HTR4: variants seen among roughly 807,000 people sequenced by gnomAD.
HTR4 encodes the protein 5-hydroxytryptamine (serotonin) receptor 4, G protein-coupled.
HTR4 carries 16 observed loss-of-function variants against 36.8 expected under a neutral mutation model. The observed-to-expected ratio is 0.43, with a 90% confidence interval of 0.29 to 0.66. HTR4 has a LOEUF of 0.66. HTR4 is among the 30% of genes least tolerant of loss of function. The probability of loss-of-function intolerance (pLI) is 0.13; values close to 1 mark genes in which losing one functional copy is unlikely to be tolerated. For synonymous variants in HTR4, 189 were observed against 185.1 expected (o/e 1.02, Z -0.17); for missense variants, 438 against 490.9 (o/e 0.89, Z 1.02).
intron 5 of HTR4, among the ~76,000 whole-genome samples, chr5:148,522,198 A>T (rs1209986256): frequency 6.6e-6 from 1 of 152,132 alleles, no homozygotes; most frequent in African/African-American, 2.4e-5. Flanking sequence ...GGCATGTGGA[A>T]CTGTGAGTCC....
At chr5:148,489,828 C>T (rs942143288) in intron 6 of HTR4, among the ~76,000 whole-genome samples, 2 of 152,104 alleles carry the variant, frequency 1.3e-5, no homozygotes, top group Admixed American at 6.6e-5. Context: ...TCTCTGCCCA[C>T]TGCAAGTCCT....
intron 2 of HTR4, among the ~76,000 whole-genome samples, chr5:148,591,346 T>C (rs914333575): frequency 3.3e-5 from 5 of 152,136 alleles, no homozygotes; most frequent in African/African-American, 1.2e-4. Flanking sequence ...TTAAAATAGG[T>C]TTTTTTAATA....
intron 5 of HTR4, among the ~76,000 whole-genome samples, chr5:148,464,336 C>G (rs192709493): frequency 6.6e-6 from 1 of 152,210 alleles, no homozygotes; most frequent in African/African-American, 2.4e-5. Flanking sequence ...AAAAGACATA[C>G]CTGATACCAA....
chr5:148,494,317 G>T (rs541007459), intron 6 of HTR4, among the ~76,000 whole-genome samples: 7 of 152,252 alleles, frequency 4.6e-5, no homozygotes, highest in African/African-American at 1.7e-4. Context: ...TCATAGACTG[G>T]CAGTCTGGCT....
At chr5:148,456,390 C>G (rs1755101878) in intron 5 of HTR4, among the ~76,000 whole-genome samples, 1 of 152,176 alleles carries the variant, frequency 6.6e-6, no homozygotes. Context: ...CTGTCTCTAA[C>G]TGGAGGGTGC....
At chr5:148,603,060 GA>G (rs1461933106) in intron 2 of HTR4, among the ~76,000 whole-genome samples, 6 of 151,778 alleles carry the variant, frequency 4.0e-5, no homozygotes, top group African/African-American at 1.5e-4. Context: ...AACTTTTAAA[GA>G]AAAAAGGGCA....
chr5:148,631,688 T>C (rs1010227070), intron 2 of HTR4, among the ~76,000 whole-genome samples: 33 of 152,140 alleles, frequency 2.2e-4, no homozygotes, highest in African/African-American at 7.2e-4. Flanking sequence ...TTTGCTAAGA[T>C]TGGAAAATTT....
chr5:148,513,907 C>T (rs991520382), intron 5 of HTR4, among the ~76,000 whole-genome samples: 1 of 151,994 alleles, frequency 6.6e-6, no homozygotes, highest in Non-Finnish European at 1.5e-5. Context: ...ATCCTGATTC[C>T]TAATTGTTGC....
chr5:148,537,618 C>T (rs574842702), intron 4 of HTR4, among the ~76,000 whole-genome samples: 1 of 152,024 alleles, frequency 6.6e-6, no homozygotes, highest in Non-Finnish European at 1.5e-5. Context: ...TCTATGCACA[C>T]TAACTAGAAA....
chr5:148,554,919 T>C (rs1343053568), intron 2 of HTR4, among the ~76,000 whole-genome samples: 1 of 152,174 alleles, frequency 6.6e-6, no homozygotes, highest in East Asian at 1.9e-4. Context: ...TCTGTTCCTC[T>C]GTTAGTTTTC....
chr5:148,529,650 G>C (rs1396089727), intron 4 of HTR4, among the ~76,000 whole-genome samples: 1 of 152,228 alleles, frequency 6.6e-6, no homozygotes, highest in Non-Finnish European at 1.5e-5. Context: ...GGTACCAGGA[G>C]TGGGGTGCTG....
rs183375655 is a variant in HTR4 at position 148,593,837 on chromosome 5, T to A, written c.26+43152A>T. ...TTATCTCTTGCAAATTTCTCTTGAATGCCTTTATACAAATGACCAATGCTT... is the reference window on the plus strand; with the variant it reads ...TTATCTCTTGCAAATTTCTCTTGAAAGCCTTTATACAAATGACCAATGCTT... On this transcript the variant is annotated intron_variant, in intron 2 of 6. Coordinates refer to ENST00000377888, the MANE Select transcript of HTR4 (RefSeq NM_000870.7). Among the ~76,000 whole-genome samples, 494 of 152,326 alleles carry A rather than the reference T, an allele frequency of 3.2e-3. 1 individual carries two copies. The highest frequency in any genetic ancestry group is 0.011 in the African/African-American group (464 of 41,574).
chr5:148,590,400 G>GT (rs150006977), intron 2 of HTR4, among the ~76,000 whole-genome samples: 26,438 of 147,256 alleles, frequency 0.18, 2,700 homozygotes, highest in African/African-American at 0.25. Context: ...CCGGTTTCAA[G>GT]GATTCCCTGC....
intron 5 of HTR4, among the ~76,000 whole-genome samples, chr5:148,511,938 G>A (rs1212382647): frequency 1.3e-5 from 2 of 152,038 alleles, no homozygotes; most frequent in East Asian, 3.8e-4. Context: ...GTTTAGATTA[G>A]GATTTGTCTT....
chr5:148,650,003 G>C (rs757110587), intron 1 of HTR4, among the ~76,000 whole-genome samples: 2 of 150,962 alleles, frequency 1.3e-5, no homozygotes, highest in Non-Finnish European at 2.9e-5. Context: ...CAGAAACTTT[G>C]GGAGTGAGGA....
chr5:148,635,344 T>C (rs13358238), intron 2 of HTR4, among the ~76,000 whole-genome samples: 1,732 of 152,226 alleles, frequency 0.011, 38 homozygotes, highest in African/African-American at 0.04. Flanking sequence ...GGCATTTGCC[T>C]GTTATTAATA....
intron 2 of HTR4, among the ~76,000 whole-genome samples, chr5:148,552,558 A>G (rs1759749707): frequency 6.6e-6 from 1 of 152,160 alleles, no homozygotes. Context: ...TCTGTATTTG[A>G]GGTGCCTTCT....
At chr5:148,606,118 T>C (rs1024093711) in intron 2 of HTR4, among the ~76,000 whole-genome samples, 3 of 152,200 alleles carry the variant, frequency 2.0e-5, no homozygotes, top group African/African-American at 4.8e-5. Context: ...TAATTTGGAA[T>C]TGCAGAGACT....
rs1021260503 is a variant in HTR4, at chr5:148,601,432, G to C, written c.26+35557C>G. Among the ~76,000 whole-genome samples, 3 of 152,176 alleles carry C rather than the reference G, an allele frequency of 2.0e-5. No individual in the cohort carries two copies. In the East Asian group the frequency reaches 5.8e-4, roughly 29 times the overall value. On this transcript the variant is annotated intron_variant, in intron 2 of 6. Coordinates refer to ENST00000377888, the MANE Select transcript of HTR4 (RefSeq NM_000870.7). ...TTTCATAATAGCCAAGATGGAAAAA[G>C]CTGCCTAAATGTCTATTAATGGATG...
Sources: gnomAD v4.1 joint callset for allele counts (sites outside exome capture counted in the v4.1 genomes callset) on GRCh38, gnomAD v4.1.1 for gene constraint, MANE v1.5 for transcripts, NCBI Gene and HGNC (gene_info 2026-07-23, HGNC 2026-07-21) for gene names.